The following ANKRD6 variants were observed in gnomAD, a reference collection of about 807,000 sequenced individuals.
ANKRD6 encodes ankyrin repeat domain 6.
ANKRD6 carries 56 observed loss-of-function variants against 82.3 expected under a neutral mutation model. The observed-to-expected ratio is 0.68, with a 90% confidence interval of 0.55 to 0.85. The LOEUF is 0.85. ANKRD6 is among the 40% of genes least tolerant of loss of function. ANKRD6 has a pLI of 0.00. For synonymous variants in ANKRD6, 347 were observed against 352.1 expected, an observed-to-expected ratio of 0.99 and a Z score of 0.16; for missense variants, 852 against 907.6, an observed-to-expected ratio of 0.94 and a Z score of 0.79.
At chr6:89,513,034 C>T (rs1407386405) in intron 1 of ANKRD6, among the ~76,000 whole-genome samples, 1 of 152,056 alleles carries the variant, frequency 6.6e-6, no homozygotes, top group Non-Finnish European at 1.5e-5. Flanking sequence ...AAGGGATCCT[C>T]CTGCCTCCGC....
At chr6:89,491,662 A>T (rs1269677486) in intron 1 of ANKRD6, among the ~76,000 whole-genome samples, 2 of 152,074 alleles carry the variant, frequency 1.3e-5, no homozygotes, top group Non-Finnish European at 2.9e-5. Context: ...GCGGGAGGGA[A>T]AGCATTAAGA....
At chr6:89,559,981 G>T (rs1356197513) in intron 1 of ANKRD6, among the ~76,000 whole-genome samples, 1 of 152,070 alleles carries the variant, frequency 6.6e-6, no homozygotes, top group African/African-American at 2.4e-5. Flanking sequence ...ATTGATTATT[G>T]GTTTTTCTGT....
In ANKRD6 at chr6:89,541,125, G is replaced by A. The variant is rs534298663; in HGVS notation, c.-143-25709G>A. On this transcript the variant is annotated intron_variant, in intron 1 of 15. Coordinates refer to ENST00000339746, the MANE Select transcript of ANKRD6 (RefSeq NM_001242809.2). Reference sequence around the variant, plus strand: ...GCTACTCTGGGTCTTTTGTGGTTCCGTATAAATTTTAGGATTTTTTTTTCT... The same window carrying A: ...GCTACTCTGGGTCTTTTGTGGTTCCATATAAATTTTAGGATTTTTTTTTCT... 3.8e-4 allele frequency among the ~76,000 whole-genome samples: 58 copies of A among 151,924 alleles called. No individual in the cohort carries two copies. The South Asian group carries it at 0.011, about 29-fold the overall frequency.
intron 1 of ANKRD6, among the ~76,000 whole-genome samples, chr6:89,543,100 A>G (rs988426468): frequency 1.3e-5 from 2 of 152,214 alleles, no homozygotes; most frequent in African/African-American, 4.8e-5. Flanking sequence ...TTAGGTTGCC[A>G]AATGTGGAAA....
intron 1 of ANKRD6, among the ~76,000 whole-genome samples, chr6:89,529,375 C>T (rs949023556): frequency 2.6e-4 from 39 of 152,208 alleles, no homozygotes. Context: ...TTAGACTTTT[C>T]TTCTGCAGCT....
intron 1 of ANKRD6, among the ~76,000 whole-genome samples, chr6:89,443,055 T>C (rs1027643777): frequency 1.3e-5 from 2 of 152,238 alleles, no homozygotes; most frequent in Admixed American, 1.3e-4. Context: ...TAAAATACTT[T>C]GATTTTCTTC....
chr6:89,538,108 T>G (rs145411244), intron 1 of ANKRD6, among the ~76,000 whole-genome samples: 166 of 152,322 alleles, frequency 1.1e-3, no homozygotes, highest in African/African-American at 3.8e-3. Flanking sequence ...ATTTAGTACT[T>G]ACTTACATTT....
chr6:89,531,184 T>A (rs1783099630), intron 1 of ANKRD6, among the ~76,000 whole-genome samples: 1 of 152,226 alleles, frequency 6.6e-6, no homozygotes, highest in Non-Finnish European at 1.5e-5. Context: ...TGCGCTCCTG[T>A]CTGGGAATCG....
chr6:89,510,691 C>T (rs1780428024), intron 1 of ANKRD6, among the ~76,000 whole-genome samples: 1 of 152,112 alleles, frequency 6.6e-6, no homozygotes, highest in Non-Finnish European at 1.5e-5. Context: ...ACTCCTATTT[C>T]CCCCCAATCT....
At chr6:89,549,068 A>G (rs984272230) in intron 1 of ANKRD6, among the ~76,000 whole-genome samples, 1 of 152,014 alleles carries the variant, frequency 6.6e-6, no homozygotes, top group Non-Finnish European at 1.5e-5. Flanking sequence ...TTAACTGGGC[A>G]TGGTGGTGGT....
intron 1 of ANKRD6, among the ~76,000 whole-genome samples, chr6:89,476,596 T>C (rs1776066304): frequency 6.6e-6 from 1 of 152,236 alleles, no homozygotes; most frequent in Non-Finnish European, 1.5e-5. Flanking sequence ...TACCATACTT[T>C]GTTAATTCAG....
At chr6:89,557,376 G>A (rs1407654381) in intron 1 of ANKRD6, among the ~76,000 whole-genome samples, 1 of 152,084 alleles carries the variant, frequency 6.6e-6, no homozygotes, top group Non-Finnish European at 1.5e-5. Context: ...CATTTAAGGT[G>A]TCAGTGAAAA....
chr6:89,522,436 G>GA (rs1383422598), intron 1 of ANKRD6, among the ~76,000 whole-genome samples: 1 of 152,174 alleles, frequency 6.6e-6, no homozygotes, highest in Non-Finnish European at 1.5e-5. Flanking sequence ...AGCTGAAATA[G>GA]AAGTGCTTCC....
chr6:89,556,809 A>G (rs372089901), intron 1 of ANKRD6, among the ~76,000 whole-genome samples: 14 of 152,220 alleles, frequency 9.2e-5, no homozygotes, highest in African/African-American at 3.4e-4. Context: ...CTTTGCAACA[A>G]CCTAATGAGG....
intron 3 of ANKRD6, 124 bp downstream of exon 3, chr6:89,596,138 A>G: frequency 1.2e-6 from 1 of 817,646 alleles, no homozygotes; most frequent in East Asian, 2.7e-5. Context: ...TTTTAGCTGC[A>G]TCTTGGTCTC....
chr6:89,531,645 A>G (rs1783156726), intron 1 of ANKRD6, among the ~76,000 whole-genome samples: 1 of 152,228 alleles, frequency 6.6e-6, no homozygotes, highest in East Asian at 1.9e-4. Flanking sequence ...CCTTCCTCCA[A>G]AATGCCCTCC....
chr6:89,450,452 C>T (rs1038675995), intron 1 of ANKRD6, among the ~76,000 whole-genome samples: 4 of 152,166 alleles, frequency 2.6e-5, no homozygotes, highest in Non-Finnish European at 5.9e-5. Flanking sequence ...CCTCCACTAG[C>T]AAAAACATTA....
intron 1 of ANKRD6, among the ~76,000 whole-genome samples, chr6:89,545,899 G>T (rs1785024303): frequency 6.6e-6 from 1 of 152,102 alleles, no homozygotes; most frequent in Non-Finnish European, 1.5e-5. Flanking sequence ...CTTCCTCTCG[G>T]GTTCACATCA....
At chr6:89,624,277 A>G (rs916097327) in intron 12 of ANKRD6, among the ~76,000 whole-genome samples, 2 of 152,126 alleles carry the variant, frequency 1.3e-5, no homozygotes, top group African/African-American at 4.8e-5. Flanking sequence ...TTGCTGCACA[A>G]TCCTCAGGTG....
Sources: allele counts gnomAD v4.1 joint callset (sites outside exome capture counted in the v4.1 genomes callset), GRCh38; gene constraint gnomAD v4.1.1; transcripts MANE v1.5; gene names NCBI Gene and HGNC (gene_info 2026-07-23, HGNC 2026-07-21).